TUSC3: variants seen among roughly 807,000 people sequenced by gnomAD.
TUSC3 encodes the protein dolichyl-diphosphooligosaccharide--protein glycosyltransferase subunit TUSC3.
A neutral mutation model predicts 44.8 loss-of-function variants in TUSC3; 45 were observed. The observed-to-expected ratio is 1.00, with a 90% confidence interval of 0.79 to 1.29. TUSC3 has a LOEUF of 1.29. TUSC3 is among the 50% of genes most tolerant of loss of function. The pLI, the probability that TUSC3 is intolerant of heterozygous loss-of-function variation, is 0.00. For synonymous variants in TUSC3, 212 were observed against 152.9 expected, an observed-to-expected ratio of 1.39 and a Z score of -2.85; for missense variants, 519 against 437.9, an observed-to-expected ratio of 1.19 and a Z score of -1.65.
chr8:15,504,611 ATATATATATATTT>A lies in TUSC3; in HGVS notation n.189+21130_189+21142del, dbSNP rs1264837386. Among the ~76,000 whole-genome samples, 214 of 22,308 alleles carry A rather than the reference ATATATATATATTT, an allele frequency of 9.6e-3. 3 individuals carry two copies. The highest frequency in any genetic ancestry group is 0.049 in the African/African-American group (203 of 4,172). 14.6% of individuals were successfully genotyped at this position (22,308 alleles called of 152,430 possible). A position where few individuals can be genotyped will look rare whatever the true frequency, so the allele number is the denominator to read the frequency against. ...TATATATATATATATATATATATAT[ATATATATATATTT>A]TTTTTTTTTTTTTTTTTTAAGTGGG... On this transcript the variant is annotated intron_variant and non_coding_transcript_variant, in intron 2 of 5. Transcript: ENST00000503191.
At position 15,743,572 on chromosome 8, in the gene TUSC3, T is replaced by C; in HGVS notation, c.897T>C (p.Asn299=). Residue 299 remains asparagine, a synonymous_variant, in exon 8 of 11, where the codon AAT becomes AAC. Transcript: ENST00000503731. ...AAITMGMVLL[N]EAATSKGDVG... ...TCACCATGGGGATGGTTCTTCTAAATGAAGCAGCAACTTCGAAAGGCGATG... is the reference window on the plus strand; with the variant it reads ...TCACCATGGGGATGGTTCTTCTAAACGAAGCAGCAACTTCGAAAGGCGATG... 2 of 1,613,966 alleles carry C rather than the reference T, an allele frequency of 1.2e-6. No homozygotes were observed. The highest frequency in any genetic ancestry group is 1.7e-6 in the Non-Finnish European group (2 of 1,179,848).
At chr8:15,726,472 G>T (rs950412394) in intron 6 of TUSC3, among the ~76,000 whole-genome samples, 38 of 151,808 alleles carry the variant, frequency 2.5e-4, no homozygotes, top group African/African-American at 9.2e-4. Flanking sequence ...TTTTTTTATT[G>T]AATCACTTTT....
At chr8:15,717,959 CTA>C (rs1810125529) in intron 6 of TUSC3, among the ~76,000 whole-genome samples, 1 of 152,010 alleles carries the variant, frequency 6.6e-6, no homozygotes, top group Non-Finnish European at 1.5e-5. Flanking sequence ...AGTATATATA[CTA>C]TGTTTCCTTT....
intron 1 of TUSC3, among the ~76,000 whole-genome samples, chr8:15,546,157 CTATCCAGTCTT>C (rs1157145118): frequency 4.0e-5 from 6 of 151,814 alleles, no homozygotes; most frequent in Non-Finnish European, 8.8e-5. Context: ...CTCCTGGTCT[CTATCCAGTCTT>C]TATTTCTATC....
chr8:15,775,020 T>A, the TUSC3 span, among the ~76,000 whole-genome samples: 5 of 152,150 alleles, frequency 3.3e-5, no homozygotes, highest in African/African-American at 1.2e-4. Context: ...CTTGCACAAA[T>A]GTTCATATCA....
intron 6 of TUSC3, chr8:15,688,929 C>A: frequency 5.6e-6 from 1 of 179,542 alleles, no homozygotes; most frequent in South Asian, 1.2e-4. Context: ...CAGGGGTCGC[C>A]TGCTTGAGGG....
chr8:15,536,924 C>G (rs959428184), upstream of TUSC3, among the ~76,000 whole-genome samples: 2 of 151,898 alleles, frequency 1.3e-5, no homozygotes, highest in Non-Finnish European at 2.9e-5. Flanking sequence ...ACTTTTCATT[C>G]TGACTCTGGC....
At chr8:15,772,044 G>A in the TUSC3 span, among the ~76,000 whole-genome samples, 10 of 151,998 alleles carry the variant, frequency 6.6e-5, no homozygotes, top group African/African-American at 1.2e-4. Flanking sequence ...AGCCAGGATC[G>A]CGCCACTGCA....
At chr8:15,843,621 T>TATATATATATATATATAC in the TUSC3 span, among the ~76,000 whole-genome samples, 322 of 146,698 alleles carry the variant, frequency 2.2e-3, 4 homozygotes, top group African/African-American at 7.9e-3. Flanking sequence ...TATATATATA[T>TATATATATATATATATAC]ACACGCACAT....
At chr8:15,668,199 G>C (rs1807763477) in intron 5 of TUSC3, among the ~76,000 whole-genome samples, 1 of 151,732 alleles carries the variant, frequency 6.6e-6, no homozygotes, top group Non-Finnish European at 1.5e-5. Flanking sequence ...TGTTGAGTGA[G>C]TGAAAGTTAC....
chr8:15,601,286 C>G (rs1164943940), intron 1 of TUSC3, among the ~76,000 whole-genome samples: 2 of 151,632 alleles, frequency 1.3e-5, no homozygotes, highest in African/African-American at 4.8e-5. Flanking sequence ...GTTTCCCCCC[C>G]GTTGCCTATA....
chr8:15,776,399 T>C, the TUSC3 span, among the ~76,000 whole-genome samples: 1 of 152,096 alleles, frequency 6.6e-6, no homozygotes, highest in African/African-American at 2.4e-5. Context: ...GAGAAGGCTA[T>C]TGCTTGATAA....
At chr8:15,630,891 T>A (rs1805732382) in intron 2 of TUSC3, among the ~76,000 whole-genome samples, 1 of 152,176 alleles carries the variant, frequency 6.6e-6, no homozygotes, top group Non-Finnish European at 1.5e-5. Flanking sequence ...CTCTCATGGG[T>A]TTAGAGTGTG....
intron 1 of TUSC3, among the ~76,000 whole-genome samples, chr8:15,615,724 T>C (rs1804959216): frequency 6.6e-6 from 1 of 152,122 alleles, no homozygotes; most frequent in Non-Finnish European, 1.5e-5. Context: ...AATATCCCTC[T>C]CTACCATAAA....
chr8:15,717,515 C>T (rs1240447239), intron 6 of TUSC3, among the ~76,000 whole-genome samples: 2 of 152,168 alleles, frequency 1.3e-5, no homozygotes, highest in African/African-American at 4.8e-5. Flanking sequence ...AACAGTTTTG[C>T]TTTCCATCCT....
chr8:15,799,959 C>A, the TUSC3 span, among the ~76,000 whole-genome samples: 1 of 152,182 alleles, frequency 6.6e-6, no homozygotes, highest in Admixed American at 6.5e-5. Flanking sequence ...GGTCAGATGG[C>A]CCCTGCACAT....
chr8:15,502,368 C>T (rs1433135808), intron 2 of TUSC3, among the ~76,000 whole-genome samples: 1 of 152,138 alleles, frequency 6.6e-6, no homozygotes, highest in Non-Finnish European at 1.5e-5. Context: ...CCTTTTTCAG[C>T]CCTCAGACTG....
chr8:15,806,646 C>A, the TUSC3 span: 20 of 1,286,894 alleles, frequency 1.6e-5, no homozygotes, highest in African/African-American at 2.9e-4. Context: ...ACTTCAGGCT[C>A]TGGTGAGACA....
chr8:15,698,124 A>G, intron 6 of TUSC3, among the ~76,000 whole-genome samples: 1 of 152,208 alleles, frequency 6.6e-6, no homozygotes, highest in South Asian at 2.1e-4. Flanking sequence ...CTTAAAAAAT[A>G]CTATTGAAGT....
Sources: gnomAD v4.1 joint callset for allele counts (sites outside exome capture counted in the v4.1 genomes callset) on GRCh38, gnomAD v4.1.1 for gene constraint, MANE v1.5 for transcripts, NCBI Gene and HGNC (gene_info 2026-07-23, HGNC 2026-07-21) for gene names.